The following PPP1R12B variants were observed in gnomAD, a reference collection of about 807,000 sequenced individuals.
PPP1R12B encodes myosin phosphatase target subunit 2.
A neutral mutation model predicts 126.1 loss-of-function variants in PPP1R12B; 76 were observed. The observed-to-expected ratio is 0.60, with a 90% CI of 0.50 to 0.73. The LOEUF (loss-of-function observed/expected upper bound fraction) is 0.73, where lower values mean the gene tolerates loss of function less well. Ranked by LOEUF, PPP1R12B falls within the 30% of genes least tolerant of loss-of-function variation. PPP1R12B has a pLI of 0.00. For synonymous variants in PPP1R12B, 356 were observed against 434.7 expected (o/e 0.82, Z 2.25); for missense variants, 1,052 against 1,205.1 (o/e 0.87, Z 1.88).
At chr1:202,568,945 A>G (rs1688326692) in intron 22 of PPP1R12B, among the ~76,000 whole-genome samples, 1 of 152,164 alleles carries the variant, frequency 6.6e-6, no homozygotes, top group Non-Finnish European at 1.5e-5. Flanking sequence ...GGAGATTTAG[A>G]TAATGTGATT....
intron 12 of PPP1R12B, among the ~76,000 whole-genome samples, chr1:202,446,236 C>CTCTCTCTCTATATA (rs1491246158): frequency 3.4e-5 from 3 of 88,044 alleles, no homozygotes; most frequent in South Asian, 5.7e-4. Context: ...CTCTCTCTCT[C>CTCTCTCTCTATATA]TATATATATA....
chr1:202,553,830 C>T (rs1275517479), intron 18 of PPP1R12B, among the ~76,000 whole-genome samples: 1 of 152,098 alleles, frequency 6.6e-6, no homozygotes, highest in Non-Finnish European at 1.5e-5. Context: ...CTGCTTGCCT[C>T]TTCTGATGTC....
At position 202,445,123 on chromosome 1, in the gene PPP1R12B, C is replaced by G. The variant is rs983978202; in HGVS notation, c.1667+2551C>G. On this transcript the variant is annotated intron_variant, in intron 12 of 23. Transcript: ENST00000608999. ...CGCAATTCATCTCCTGCTACCTCAC[C>G]CATTACCATTGGTTCATCTACCTCT... 4 of 1,247,088 alleles carry G rather than the reference C, an allele frequency of 3.2e-6. No individual in the cohort carries two copies. In the African/African-American group the frequency reaches 4.7e-5, roughly 15 times the overall value. 77.3% of individuals were successfully genotyped at this position (1,247,088 alleles called of 1,614,324 possible). A position where few individuals can be genotyped will look rare whatever the true frequency, so the allele number is the denominator to read the frequency against.
intron 18 of PPP1R12B, among the ~76,000 whole-genome samples, chr1:202,523,352 G>T (rs1682975073): frequency 1.3e-5 from 2 of 152,180 alleles, no homozygotes; most frequent in Non-Finnish European, 2.9e-5. Flanking sequence ...AAGAGGATTG[G>T]ATGGAGAAAG....
rs571152695 is a variant in PPP1R12B at position 202,482,337 on chromosome 1, A to G, written c.1851-6196A>G. Among the ~76,000 whole-genome samples, 3 of 152,318 alleles carry G rather than the reference A, an allele frequency of 2.0e-5. No individual in the cohort carries two copies. In the South Asian group the frequency reaches 6.2e-4, roughly 32 times the overall value. The stretch of plus-strand genomic sequence containing the variant: ...TACTGTTTTCCACAATGGCTGTACT[A>G]GCTTACAGTCCCACCAACTTGTGTA... On this transcript the variant is annotated intron_variant, in intron 13 of 23. Transcript: ENST00000608999.
intron 8 of PPP1R12B, among the ~76,000 whole-genome samples, chr1:202,432,015 C>T (rs899218662): frequency 6.6e-6 from 1 of 152,106 alleles, no homozygotes; most frequent in African/African-American, 2.4e-5. Context: ...TCTCCTTACT[C>T]CAGGTTGGTA....
chr1:202,386,893 TAC>T (rs1222903526), intron 1 of PPP1R12B, among the ~76,000 whole-genome samples: 1 of 152,190 alleles, frequency 6.6e-6, no homozygotes, highest in African/African-American at 2.4e-5. Context: ...ATAATGGAAT[TAC>T]ACAACTTTTC....
At position 202,581,780 on chromosome 1, in the gene PPP1R12B, T is replaced by A. The variant is rs188884407; in HGVS notation, c.*1220T>A. On this transcript the variant is annotated 3_prime_UTR_variant, in exon 24 of 24. Coordinates refer to ENST00000608999, the MANE Select transcript of PPP1R12B (RefSeq NM_002481.4). ...GAGAATAGTGGTGAATTTGATTATT[T>A]CCAGTGGTTAGATTTAGCAGAGAGA... The A allele has an allele frequency of 6.6e-6, 1 of 152,330 alleles. No homozygotes were observed. The highest frequency in any genetic ancestry group is 1.5e-5 in the Non-Finnish European group (1 of 68,030). 9.4% of individuals were successfully genotyped at this position (152,330 alleles called of 1,614,324 possible). A position where few individuals can be genotyped will look rare whatever the true frequency, so the allele number is the denominator to read the frequency against.
At chr1:202,574,037 G>T (rs1476447701) in intron 23 of PPP1R12B, among the ~76,000 whole-genome samples, 1 of 152,056 alleles carries the variant, frequency 6.6e-6, no homozygotes, top group Admixed American at 6.5e-5. Flanking sequence ...AATCTCTCTG[G>T]ACTGCAGAGG....
In PPP1R12B at chr1:202,359,625, C is replaced by T. The variant is rs926078865; in HGVS notation, c.291+10483C>T. Among the ~76,000 whole-genome samples the T allele has an allele frequency of 8.0e-5, 11 of 136,804 alleles. No individual in the cohort carries two copies. In the East Asian group the frequency reaches 1.2e-3, roughly 16 times the overall value. 89.7% of individuals were successfully genotyped at this position (136,804 alleles called of 152,430 possible). Reference sequence around the variant, plus strand: ...TGAAACCCTGTCTCCACTAAAAATACGAAAAATTAGCCAGGCGTGGTGGCG... The same window carrying T: ...TGAAACCCTGTCTCCACTAAAAATATGAAAAATTAGCCAGGCGTGGTGGCG... On this transcript the variant is annotated intron_variant, in intron 1 of 23. Coordinates refer to ENST00000608999, the MANE Select transcript of PPP1R12B (RefSeq NM_002481.4).
intron 23 of PPP1R12B, among the ~76,000 whole-genome samples, chr1:202,573,571 C>T (rs772012251): frequency 7.2e-5 from 11 of 152,010 alleles, no homozygotes; most frequent in Non-Finnish European, 1.3e-4. Context: ...TCTGTGAAAC[C>T]CCATTTGCAT....
At chr1:202,504,202 CTGG>C (rs1680562771) in intron 18 of PPP1R12B, among the ~76,000 whole-genome samples, 1 of 152,080 alleles carries the variant, frequency 6.6e-6, no homozygotes, top group Admixed American at 6.6e-5. Flanking sequence ...CGAGACCAGC[CTGG>C]TCAACAGTGA....
intron 1 of PPP1R12B, among the ~76,000 whole-genome samples, chr1:202,366,650 C>T (rs186786576): frequency 1.1e-4 from 16 of 150,624 alleles, no homozygotes; most frequent in African/African-American, 3.4e-4. Context: ...TAAGAAACTA[C>T]AAAATTATGT....
chr1:202,469,243 G>A (rs938139111), intron 13 of PPP1R12B, among the ~76,000 whole-genome samples: 4 of 152,162 alleles, frequency 2.6e-5, no homozygotes, highest in African/African-American at 9.7e-5. Context: ...GGGTAGAATA[G>A]CACTTTTTTT....
chr1:202,539,627 G>A (rs1684902031), intron 18 of PPP1R12B, among the ~76,000 whole-genome samples: 2 of 152,126 alleles, frequency 1.3e-5, no homozygotes, highest in African/African-American at 2.4e-5. Context: ...CAGCCCAGTG[G>A]AGTCAAGCTA....
intron 1 of PPP1R12B, among the ~76,000 whole-genome samples, chr1:202,357,093 G>GTGTGAGCCACTGGGGATTACAGT (rs1657252502): frequency 1.3e-5 from 2 of 152,122 alleles, no homozygotes; most frequent in Admixed American, 6.6e-5. Context: ...AGGATTACAG[G>GTGTGAGCCACTGGGGATTACAGT]TGTGAGCCAC....
chr1:202,484,659 G>C (rs1572228159), intron 13 of PPP1R12B, among the ~76,000 whole-genome samples: 1 of 152,136 alleles, frequency 6.6e-6, no homozygotes, highest in African/African-American at 2.4e-5. Flanking sequence ...AGTATTTCTT[G>C]TAAGGCTAGT....
At chr1:202,370,075 G>A (rs1456626460) in intron 1 of PPP1R12B, 12 of 196,298 alleles carry the variant, frequency 6.1e-5, no homozygotes, top group African/African-American at 1.2e-4. Context: ...GACTACAGGC[G>A]TAAACTACCA....
In PPP1R12B at chr1:202,590,666, A is replaced by C. The variant is rs1273602683; in HGVS notation, c.*10106A>C. ...AAATAACAATTTGACAAGAGATCAG[A>C]CAAGAACAAGAGTCCACATAAGGGA... On this transcript the variant is annotated 3_prime_UTR_variant, in exon 24 of 24. Transcript: ENST00000608999. The C allele has an allele frequency of 6.6e-6, 1 of 151,596 alleles. No individual in the cohort carries two copies. The highest frequency in any genetic ancestry group is 1.5e-5 in the Non-Finnish European group (1 of 67,962). The allele number at this position is 151,596 out of a possible 1,614,324, so 9.4% of individuals were successfully genotyped here. A position where few individuals can be genotyped will look rare whatever the true frequency, so the allele number is the denominator to read the frequency against.
Sources: gnomAD v4.1 joint callset for allele counts (sites outside exome capture counted in the v4.1 genomes callset) on GRCh38, gnomAD v4.1.1 for gene constraint, MANE v1.5 for transcripts, NCBI Gene and HGNC (gene_info 2026-07-23, HGNC 2026-07-21) for gene names.